The following RELN variants were observed in gnomAD, a reference collection of about 807,000 sequenced individuals.
RELN encodes the protein reelin.
A neutral mutation model predicts 427.6 loss-of-function variants in RELN; 108 were observed. That is an observed-to-expected ratio of 0.25 (90% CI 0.22 to 0.30). RELN has a LOEUF of 0.30. Among genes scored for constraint, RELN ranks in the 10% least tolerant of loss-of-function variants. The pLI is 1.00. For synonymous variants in RELN, 1,524 were observed against 1,513.4 expected (o/e 1.01, Z -0.16); for missense variants, 3,715 against 4,302.8 (o/e 0.86, Z 3.82).
Position 103,661,408 on chromosome 7 carries a change from C to A in RELN, c.1409G>T (p.Gly470Val). Residue 470 changes from glycine (G) to valine (V), a missense_variant, in exon 12 of 65, where the codon GGT becomes GTT. Coordinates refer to ENST00000428762, the MANE Select transcript of RELN (RefSeq NM_005045.4). ...AAAGTAAAACCTCAGGTTCCCATAACCGGTAGTGTCCATGGATGGAGTGCA... is the reference window on the plus strand; with the variant it reads ...AAAGTAAAACCTCAGGTTCCCATAAACGGTAGTGTCCATGGATGGAGTGCA... Reference protein sequence around the residue: ...KLCTPSMDTTGYGNLRFYFVM... With the variant: ...KLCTPSMDTTVYGNLRFYFVM... The A allele has an allele frequency of 6.2e-7, 1 of 1,613,884 alleles. No individual in the cohort carries two copies. Among genetic ancestry groups the A allele is most frequent in the Non-Finnish European group, 8.5e-7 (1 of 1,179,890 alleles).
At chr7:103,589,896 C>G (rs1243196202) in intron 27 of RELN, 68 bp from the exon 28 acceptor site, 7 of 935,992 alleles carry the variant, frequency 7.5e-6, no homozygotes, top group Admixed American at 3.5e-5. Flanking sequence ...AAATTAGATG[C>G]TACAGCATCC....
chr7:103,761,413 G>A (rs1375131449), intron 4 of RELN, among the ~76,000 whole-genome samples: 1 of 152,086 alleles, frequency 6.6e-6, no homozygotes, highest in Admixed American at 6.6e-5. Context: ...AAATCAGAAT[G>A]CAAAACAATA....
chr7:103,770,082 A>G (rs554923170), intron 4 of RELN, among the ~76,000 whole-genome samples: 2,541 of 151,774 alleles, frequency 0.017, 46 homozygotes, highest in Admixed American at 0.038. Context: ...TACTTTATTT[A>G]TTTATTTATT....
chr7:103,958,453 T>C (rs1796480622), intron 1 of RELN, among the ~76,000 whole-genome samples: 1 of 152,192 alleles, frequency 6.6e-6, no homozygotes, highest in African/African-American at 2.4e-5. Flanking sequence ...ATGAAGCAGC[T>C]TCATAGGTAG....
chr7:103,731,513 C>T (rs2283028), intron 6 of RELN, among the ~76,000 whole-genome samples: 33,235 of 151,944 alleles, frequency 0.22, 4,009 homozygotes, highest in South Asian at 0.38. Context: ...TCCACTTAGA[C>T]GATGCTAGAA....
At chr7:103,931,071 G>A (rs890095273) in intron 1 of RELN, among the ~76,000 whole-genome samples, 3 of 151,898 alleles carry the variant, frequency 2.0e-5, no homozygotes, top group African/African-American at 7.3e-5. Flanking sequence ...GGAGCCTCTG[G>A]CCAGGGGATC....
At chr7:103,873,395 C>CA (rs1278174852) in intron 2 of RELN, among the ~76,000 whole-genome samples, 5 of 131,674 alleles carry the variant, frequency 3.8e-5, no homozygotes, top group African/African-American at 8.3e-5. Flanking sequence ...AAAAACCCTT[C>CA]AAAAAATCAA....
At chr7:103,920,486 T>G (rs987016373) in intron 1 of RELN, among the ~76,000 whole-genome samples, 1 of 152,094 alleles carries the variant, frequency 6.6e-6, no homozygotes, top group African/African-American at 2.4e-5. Context: ...TCAATTCACT[T>G]TCAAATTAGC....
intron 46 of RELN, among the ~76,000 whole-genome samples, chr7:103,524,260 T>A (rs1829774456): frequency 6.6e-6 from 1 of 152,244 alleles, no homozygotes; most frequent in East Asian, 1.9e-4. Context: ...GCCCTCTGCA[T>A]TTGGCTTGGG....
intron 28 of RELN, among the ~76,000 whole-genome samples, chr7:103,588,224 T>C (rs1831323243): frequency 6.6e-6 from 1 of 152,160 alleles, no homozygotes; most frequent in South Asian, 2.1e-4. Flanking sequence ...TGCAGCAACA[T>C]GGATGGAACC....
intron 1 of RELN, among the ~76,000 whole-genome samples, chr7:103,930,704 C>A (rs894303589): frequency 6.6e-6 from 1 of 152,102 alleles, no homozygotes; most frequent in African/African-American, 2.4e-5. Context: ...TGGGCTCAAG[C>A]GATCCTCCTG....
At chr7:103,502,870 AG>A (rs1829081847) in intron 52 of RELN, 145 bp downstream of exon 52, 1 of 744,342 alleles carries the variant, frequency 1.3e-6, no homozygotes. Flanking sequence ...TTATGATGAA[AG>A]TAACCAATTA....
chr7:103,739,046 C>G (rs1420496866), intron 6 of RELN, among the ~76,000 whole-genome samples: 1 of 152,156 alleles, frequency 6.6e-6, no homozygotes, highest in African/African-American at 2.4e-5. Flanking sequence ...GACAATAATT[C>G]ATTCCTCTTT....
chr7:103,555,367 A>C (rs1295295208), intron 38 of RELN, among the ~76,000 whole-genome samples: 2 of 152,230 alleles, frequency 1.3e-5, no homozygotes, highest in Non-Finnish European at 2.9e-5. Context: ...GAATGAAATC[A>C]CAGGTCTCTA....
intron 2 of RELN, among the ~76,000 whole-genome samples, chr7:103,912,705 T>G (rs73712292): frequency 0.11 from 16,229 of 152,040 alleles, 1,749 homozygotes; most frequent in African/African-American, 0.27. Flanking sequence ...CAAACCTGAT[T>G]CTCAGGTTTC....
intron 4 of RELN, among the ~76,000 whole-genome samples, chr7:103,765,434 A>G (rs957474597): frequency 6.6e-6 from 1 of 152,174 alleles, no homozygotes; most frequent in Non-Finnish European, 1.5e-5. Flanking sequence ...AGTGTTTCAC[A>G]TATGCCCACT....
chr7:103,526,608 AACTGGAATATAAGTTAAAAATG>A (rs1326202511), intron 46 of RELN, among the ~76,000 whole-genome samples: 4 of 152,226 alleles, frequency 2.6e-5, no homozygotes, highest in Non-Finnish European at 5.9e-5. Context: ...TTTCACTAAG[AACTGGAATATAAGTTAAAAATG>A]AGAGTTTGGA....
intron 1 of RELN, among the ~76,000 whole-genome samples, chr7:103,935,002 GT>G (rs1795949677): frequency 6.6e-6 from 1 of 152,154 alleles, no homozygotes; most frequent in Non-Finnish European, 1.5e-5. Context: ...TCCAATCACT[GT>G]GGCTACACAA....
chr7:103,894,230 C>T (rs1334239055), intron 2 of RELN, among the ~76,000 whole-genome samples: 2 of 152,076 alleles, frequency 1.3e-5, no homozygotes, highest in Admixed American at 6.6e-5. Flanking sequence ...TTCAGCATTT[C>T]GTTATTTATA....
Sources: gnomAD v4.1 joint callset for allele counts (sites outside exome capture counted in the v4.1 genomes callset) on GRCh38, gnomAD v4.1.1 for gene constraint, MANE v1.5 for transcripts, NCBI Gene and HGNC (gene_info 2026-07-23, HGNC 2026-07-21) for gene names.